Variants in PACRG observed in about 807,000 individuals in gnomAD.
PACRG encodes parkin coregulated, also known as parkin coregulated gene protein.
PACRG carries 29 observed loss-of-function variants against 29.7 expected under a neutral mutation model. The observed-to-expected ratio is 0.98, with a 90% CI of 0.73 to 1.33. PACRG has a LOEUF of 1.33. Among genes scored for constraint, PACRG ranks in the 40% most tolerant of loss-of-function variants. PACRG has a pLI of 0.00. For synonymous variants in PACRG, 116 were observed against 118.7 expected (o/e 0.98, Z 0.15); for missense variants, 279 against 316.2 (o/e 0.88, Z 0.89).
intron 2 of PACRG, among the ~76,000 whole-genome samples, chr6:162,905,610 G>A (rs1795877124): frequency 6.6e-6 from 1 of 152,140 alleles, no homozygotes; most frequent in South Asian, 2.1e-4. Flanking sequence ...ACAGTTTTGT[G>A]GAAAGGGAGA....
At chr6:163,091,246 G>T (rs1226248882) in intron 4 of PACRG, among the ~76,000 whole-genome samples, 1 of 152,136 alleles carries the variant, frequency 6.6e-6, no homozygotes, top group African/African-American at 2.4e-5. Context: ...TATTGCTGCC[G>T]CAAAGACAGA....
intron 2 of PACRG, among the ~76,000 whole-genome samples, chr6:162,892,774 G>A (rs1035086550): frequency 6.6e-6 from 1 of 152,186 alleles, no homozygotes; most frequent in African/African-American, 2.4e-5. Context: ...CTGTCCAGAT[G>A]GAAAGTCGGG....
At chr6:163,039,885 A>G (rs1808528367) in intron 2 of PACRG, among the ~76,000 whole-genome samples, 2 of 152,246 alleles carry the variant, frequency 1.3e-5, no homozygotes, top group Non-Finnish European at 2.9e-5. Flanking sequence ...CAGCCTGACC[A>G]TGTAGTAGAA....
rs143680685 is a variant in PACRG at position 163,097,497 on chromosome 6, T to A, written c.613+8089T>A. Among the ~76,000 whole-genome samples, 128 of 152,342 alleles carry A rather than the reference T, an allele frequency of 8.4e-4. 1 individual carries two copies. Among genetic ancestry groups the A allele is most frequent in the African/African-American group, 2.8e-3 (117 of 41,586 alleles). On this transcript the variant is annotated intron_variant, in intron 4 of 4. Transcript: ENST00000366888. ...CACTCTGTAAAATATTTAAAGAGGC[T>A]TATTCTGAGCCAAATATGGGTGACC...
intron 4 of PACRG, among the ~76,000 whole-genome samples, chr6:163,208,217 A>G (rs1185823294): frequency 1.3e-5 from 2 of 152,268 alleles, no homozygotes; most frequent in African/African-American, 4.8e-5. Flanking sequence ...CATAAAGCAA[A>G]TACTCTGTAA....
chr6:163,216,195 G>A (rs1380031339), intron 4 of PACRG, among the ~76,000 whole-genome samples: 4 of 152,332 alleles, frequency 2.6e-5, no homozygotes, highest in African/African-American at 9.6e-5. Flanking sequence ...TCTGGGGACA[G>A]CTGCCTTGTC....
intron 2 of PACRG, among the ~76,000 whole-genome samples, chr6:162,865,542 T>C (rs771558068): frequency 1.3e-5 from 2 of 152,324 alleles, no homozygotes; most frequent in Non-Finnish European, 2.9e-5. Context: ...AAGCTTAGAC[T>C]GTAGCTATTC....
At chr6:162,773,493 C>A (rs914971146) in intron 1 of PACRG, among the ~76,000 whole-genome samples, 107 of 82,768 alleles carry the variant, frequency 1.3e-3, no homozygotes, top group Non-Finnish European at 1.6e-3. Flanking sequence ...TACAGCTTGT[C>A]ATTTTTTTTT....
intron 1 of PACRG, among the ~76,000 whole-genome samples, chr6:162,787,580 G>GTA (rs746185048): frequency 0.017 from 1,206 of 69,054 alleles, 43 homozygotes; most frequent in Middle Eastern, 0.05. Flanking sequence ...GTGTGTGTGT[G>GTA]TGTATATATA....
At chr6:162,924,496 CT>C (rs1394739728) in intron 2 of PACRG, among the ~76,000 whole-genome samples, 1 of 151,866 alleles carries the variant, frequency 6.6e-6, no homozygotes, top group Non-Finnish European at 1.5e-5. Context: ...CTCTTTTTTC[CT>C]TTCAGAATGA....
intron 2 of PACRG, among the ~76,000 whole-genome samples, chr6:162,973,920 T>C (rs1472483182): frequency 6.6e-6 from 1 of 152,042 alleles, no homozygotes; most frequent in Non-Finnish European, 1.5e-5. Flanking sequence ...TCAGAAAAAA[T>C]AAAGACAAGG....
At chr6:163,143,182 CTTAGTG>C (rs920208565) in intron 4 of PACRG, among the ~76,000 whole-genome samples, 1 of 152,190 alleles carries the variant, frequency 6.6e-6, no homozygotes, top group Admixed American at 6.5e-5. Flanking sequence ...CTTTGCAACT[CTTAGTG>C]TTAGTAAATC....
intron 4 of PACRG, among the ~76,000 whole-genome samples, chr6:163,138,762 T>C (rs1299436617): frequency 1.3e-5 from 2 of 152,196 alleles, no homozygotes; most frequent in African/African-American, 4.8e-5. Flanking sequence ...GATGTTCTCC[T>C]TTATCCCTAC....
intron 1 of PACRG, among the ~76,000 whole-genome samples, chr6:162,805,459 G>A (rs1786240689): frequency 6.6e-6 from 1 of 152,172 alleles, no homozygotes; most frequent in African/African-American, 2.4e-5. Context: ...GATGGCTGCT[G>A]ACTGATCAGT....
intron 4 of PACRG, among the ~76,000 whole-genome samples, chr6:163,276,348 C>A (rs1322928146): frequency 1.3e-5 from 2 of 152,108 alleles, no homozygotes; most frequent in African/African-American, 2.4e-5. Context: ...GTATTACTTT[C>A]AATCATGAAA....
intron 3 of PACRG, among the ~76,000 whole-genome samples, chr6:163,078,267 G>A (rs1289239445): frequency 2.6e-5 from 4 of 152,280 alleles, no homozygotes; most frequent in Admixed American, 6.5e-5. Flanking sequence ...CTGGGAGGCC[G>A]AGGTGGGTGG....
intron 1 of PACRG, among the ~76,000 whole-genome samples, chr6:162,787,673 ATATT>A (rs1229344016): frequency 6.9e-6 from 1 of 145,002 alleles, no homozygotes; most frequent in Non-Finnish European, 1.5e-5. Context: ...CTGATATTAT[ATATT>A]TGTCTATTAT....
At position 162,882,161 on chromosome 6, in the gene PACRG, C is replaced by T. The variant is rs1409436334; in HGVS notation, c.291+67880C>T. On this transcript the variant is annotated intron_variant, in intron 2 of 4. Transcript: ENST00000366888. ...TCTACCAAGACCAGAGACCCGGGGG[C>T]GCTCTCCACCAAGACCAGAGACTGG... 3.1e-4 allele frequency among the ~76,000 whole-genome samples: 42 copies of T among 134,754 alleles called. 1 individual carries two copies. Among genetic ancestry groups the T allele is most frequent in the African/African-American group, 7.6e-4 (27 of 35,548 alleles). 88.4% of individuals were successfully genotyped at this position (134,754 alleles called of 152,430 possible).
chr6:163,038,321 A>G (rs1479595922), intron 2 of PACRG, among the ~76,000 whole-genome samples: 2 of 152,204 alleles, frequency 1.3e-5, no homozygotes, highest in Non-Finnish European at 2.9e-5. Context: ...TCTAGCAAAT[A>G]TTTGGTGTAT....
Sources: gnomAD v4.1 joint callset for allele counts (sites outside exome capture counted in the v4.1 genomes callset) on GRCh38, gnomAD v4.1.1 for gene constraint, MANE v1.5 for transcripts, NCBI Gene and HGNC (gene_info 2026-07-23, HGNC 2026-07-21) for gene names.